XKR4: variants seen among roughly 807,000 people sequenced by gnomAD.
The protein encoded by XKR4 is XK related 4.
XKR4 carries 12 observed loss-of-function variants against 53.9 expected under a neutral mutation model. The observed-to-expected ratio is 0.22, with a 90% confidence interval of 0.14 to 0.36. XKR4 has a LOEUF of 0.36. Ranked by LOEUF, XKR4 falls within the 10% of genes least tolerant of loss-of-function variation. XKR4 has a pLI of 1.00. For synonymous variants in XKR4, 354 were observed against 362.4 expected (o/e 0.98, Z 0.26); for missense variants, 799 against 859.5 (o/e 0.93, Z 0.88).
At chr8:55,491,930 C>G (rs1166881776) in intron 2 of XKR4, among the ~76,000 whole-genome samples, 1 of 152,212 alleles carries the variant, frequency 6.6e-6, no homozygotes, top group African/African-American at 2.4e-5. Context: ...ACAAAAAACT[C>G]AAGAGGATGC....
intron 1 of XKR4, among the ~76,000 whole-genome samples, chr8:55,288,399 C>A (rs915673137): frequency 6.6e-6 from 1 of 152,202 alleles, no homozygotes; most frequent in Non-Finnish European, 1.5e-5. Context: ...ATTTAATTCA[C>A]TTAAGAACTT....
intron 1 of XKR4, among the ~76,000 whole-genome samples, chr8:55,172,895 G>A (rs1817182142): frequency 6.6e-6 from 1 of 152,158 alleles, no homozygotes; most frequent in Non-Finnish European, 1.5e-5. Flanking sequence ...AGTTTCTATT[G>A]GTTGGTTGAT....
chr8:55,370,640 G>C (rs183488624), intron 2 of XKR4, among the ~76,000 whole-genome samples: 3 of 152,162 alleles, frequency 2.0e-5, no homozygotes, highest in Non-Finnish European at 4.4e-5. Flanking sequence ...CTACATAGGA[G>C]AGTTGTGATT....
At chr8:55,412,024 T>C (rs1293554997) in intron 2 of XKR4, among the ~76,000 whole-genome samples, 1 of 152,184 alleles carries the variant, frequency 6.6e-6, no homozygotes, top group East Asian at 1.9e-4. Context: ...TTAACCTCTT[T>C]ATGGCAGTTG....
At chr8:55,345,799 G>A (rs1803627820) in intron 1 of XKR4, among the ~76,000 whole-genome samples, 1 of 152,164 alleles carries the variant, frequency 6.6e-6, no homozygotes, top group Non-Finnish European at 1.5e-5. Context: ...AATGAAGAGT[G>A]GAGTGTGGGT....
At chr8:55,179,073 G>A (rs1817274055) in intron 1 of XKR4, among the ~76,000 whole-genome samples, 1 of 152,128 alleles carries the variant, frequency 6.6e-6, no homozygotes, top group South Asian at 2.1e-4. Flanking sequence ...CTTAAATATG[G>A]CAGGAGGAGC....
intron 2 of XKR4, among the ~76,000 whole-genome samples, chr8:55,464,896 A>C (rs1293900365): frequency 1.3e-5 from 2 of 152,166 alleles, no homozygotes; most frequent in Non-Finnish European, 2.9e-5. Context: ...ATTGCTTCAA[A>C]GAGAATAAAA....
chr8:55,454,687 A>G, intron 2 of XKR4: 1 of 901,190 alleles, frequency 1.1e-6, no homozygotes, highest in Non-Finnish European at 1.9e-6. Context: ...GAACACATTC[A>G]GGCCCTCCAC....
chr8:55,185,947 A>G (rs1232406863), intron 1 of XKR4, among the ~76,000 whole-genome samples: 1 of 152,220 alleles, frequency 6.6e-6, no homozygotes, highest in African/African-American at 2.4e-5. Context: ...TTGATATACC[A>G]AAACCTAAAA....
rs546199594 is a variant in XKR4, at chr8:55,358,446, T to C, written c.1006+569T>C. The stretch of plus-strand genomic sequence containing the variant: ...AATGTTTATTAATATTTATATACTA[T>C]GAAGTTTTATAAAACGGATATTATT... On this transcript the variant is annotated intron_variant, in intron 2 of 2. Transcript: ENST00000327381. Among the ~76,000 whole-genome samples, 5 of 152,344 alleles carry C rather than the reference T, an allele frequency of 3.3e-5. No homozygotes were observed. The East Asian group carries it at 9.6e-4, about 29-fold the overall frequency.
At chr8:55,439,623 C>T (rs1176750163) in intron 2 of XKR4, among the ~76,000 whole-genome samples, 1 of 151,016 alleles carries the variant, frequency 6.6e-6, no homozygotes, top group Non-Finnish European at 1.5e-5. Flanking sequence ...TAGATATAGC[C>T]AAAGAAGTAA....
rs1435251955 is a variant in XKR4, at chr8:55,526,236, C to CCA, written c.*2009_*2010insCA. 22 of 152,382 alleles carry CCA rather than the reference C, an allele frequency of 1.4e-4. No individual in the cohort carries two copies. Among genetic ancestry groups the CCA allele is most frequent in the African/African-American group, 5.1e-4 (21 of 41,566 alleles). The allele number at this position is 152,382 out of a possible 1,614,324, so 9.4% of individuals were successfully genotyped here. A position where few individuals can be genotyped will look rare whatever the true frequency, so the allele number is the denominator to read the frequency against. On this transcript the variant is annotated 3_prime_UTR_variant, in exon 3 of 3. Coordinates refer to ENST00000327381, the MANE Select transcript of XKR4 (RefSeq NM_052898.2). ...AGTAGTCCAGTTCTCTAGCCACCAC[C>CCA]TGTAATGGGTGTGTCATCCAGAGAC...
intron 1 of XKR4, among the ~76,000 whole-genome samples, chr8:55,149,594 G>A (rs143777030): frequency 6.6e-6 from 1 of 152,254 alleles, no homozygotes; most frequent in African/African-American, 2.4e-5. Context: ...TAACTAACAG[G>A]GTGATCGTTC....
intron 2 of XKR4, among the ~76,000 whole-genome samples, chr8:55,514,185 TG>T (rs1806675505): frequency 6.6e-6 from 1 of 152,036 alleles, no homozygotes; most frequent in South Asian, 2.1e-4. Flanking sequence ...GAAGTAGTGC[TG>T]TGAGAAATAA....
chr8:55,463,912 C>T (rs1445665844), intron 2 of XKR4, among the ~76,000 whole-genome samples: 2 of 152,088 alleles, frequency 1.3e-5, no homozygotes, highest in African/African-American at 2.4e-5. Context: ...TACACTCTCC[C>T]AAGACTAAAC....
At chr8:55,217,613 C>G (rs1817823757) in intron 1 of XKR4, among the ~76,000 whole-genome samples, 2 of 152,166 alleles carry the variant, frequency 1.3e-5, no homozygotes, top group African/African-American at 4.8e-5. Context: ...AAAGCATGGA[C>G]TATTACTCAA....
intron 1 of XKR4, among the ~76,000 whole-genome samples, chr8:55,211,357 G>C (rs1350988696): frequency 6.6e-6 from 1 of 152,140 alleles, no homozygotes. Context: ...ATCAGATTCA[G>C]ACTTGGAGAT....
intron 1 of XKR4, among the ~76,000 whole-genome samples, chr8:55,213,865 T>TC (rs1563484741): frequency 1.5e-5 from 2 of 132,908 alleles, no homozygotes; most frequent in Admixed American, 7.5e-5. Context: ...TCTTTTTTTT[T>TC]TTTTTTTTTT....
chr8:55,407,537 C>T (rs1401761800), intron 2 of XKR4, among the ~76,000 whole-genome samples: 2 of 152,230 alleles, frequency 1.3e-5, no homozygotes, highest in African/African-American at 2.4e-5. Context: ...AGAGGCAGCT[C>T]CATGCAGTGA....
Sources: allele counts gnomAD v4.1 joint callset (sites outside exome capture counted in the v4.1 genomes callset), GRCh38; gene constraint gnomAD v4.1.1; transcripts MANE v1.5; gene names NCBI Gene and HGNC (gene_info 2026-07-23, HGNC 2026-07-21).